TMEM126A: variants seen among roughly 807,000 people sequenced by gnomAD.
TMEM126A encodes the protein optic atrophy 7.
In TMEM126A, 10 loss-of-function variants were observed where a neutral mutation model predicts 18.3. The observed-to-expected ratio is 0.55, with a 90% confidence interval of 0.34 to 0.93. TMEM126A has a LOEUF of 0.93. TMEM126A is among the 40% of genes least tolerant of loss of function. The pLI is 0.02. For synonymous variants in TMEM126A, 68 were observed against 78.1 expected (o/e 0.87, Z 0.68); for missense variants, 246 against 230.2 (o/e 1.07, Z -0.44).
At chr11:85,650,659 CTTT>C (rs771649125) in intron 2 of TMEM126A, among the ~76,000 whole-genome samples, 34 of 151,986 alleles carry the variant, frequency 2.2e-4, no homozygotes, top group Non-Finnish European at 4.1e-4. Flanking sequence ...TTTAAAATGT[CTTT>C]TTTTTCCCAG....
chr11:85,650,369 C>A, intron 2 of TMEM126A, 28 bp downstream of exon 2: 1 of 1,464,320 alleles, frequency 6.8e-7, no homozygotes, highest in South Asian at 1.1e-5. Flanking sequence ...TTTAAAAACA[C>A]CTTTTATCAG....
Position 85,656,402 on chromosome 11 carries a change from T to C in TMEM126A, c.489T>C (p.Ile163=). The C allele has an allele frequency of 6.2e-7, 1 of 1,613,348 alleles. No homozygotes were observed. The highest frequency in any genetic ancestry group is 8.5e-7 in the Non-Finnish European group (1 of 1,179,628). ...KPVFRKMLFP[I]LLQTMFSAYL... is the part of the protein sequence containing the mutation. The stretch of plus-strand genomic sequence containing the variant: ...TCTTTAGAAAGATGTTATTTCCTAT[T>C]TTGCTCCAGACTATGTTTTCAGCAT... The change falls in exon 5 of 5, where the codon ATT becomes ATC. Residue 163 remains isoleucine, a synonymous_variant. Transcript: ENST00000304511.
At chr11:85,648,888 A>G (rs775622754) in intron 1 of TMEM126A, among the ~76,000 whole-genome samples, 13 of 152,120 alleles carry the variant, frequency 8.5e-5, no homozygotes, top group Non-Finnish European at 1.8e-4. Context: ...GAAATGAGAA[A>G]ATCTGGTTTC....
At chr11:85,650,420 G>A in intron 2 of TMEM126A, 79 bp downstream of exon 2, 1 of 1,078,554 alleles carries the variant, frequency 9.3e-7, no homozygotes, top group Non-Finnish European at 1.4e-6. Context: ...AGTTTATCTG[G>A]TTTGAGTATA....
intron 2 of TMEM126A, among the ~76,000 whole-genome samples, chr11:85,651,435 G>A (rs1565799406): frequency 6.6e-6 from 1 of 152,182 alleles, no homozygotes; most frequent in Admixed American, 6.5e-5. Flanking sequence ...CAGATTTGAG[G>A]TAGGAAAGAA....
At chr11:85,651,371 G>C (rs1045212065) in intron 2 of TMEM126A, among the ~76,000 whole-genome samples, 5 of 152,174 alleles carry the variant, frequency 3.3e-5, no homozygotes, top group Admixed American at 3.3e-4. Context: ...ATAGTTTTGA[G>C]CAGGGGGATG....
chr11:85,652,814 A>G (rs2082510772), intron 2 of TMEM126A, among the ~76,000 whole-genome samples: 1 of 151,292 alleles, frequency 6.6e-6, no homozygotes, highest in Non-Finnish European at 1.5e-5. Context: ...TATTTTATAT[A>G]TATTATATAT....
intron 2 of TMEM126A, among the ~76,000 whole-genome samples, chr11:85,651,858 A>T (rs2082502938): frequency 6.6e-6 from 1 of 152,194 alleles, no homozygotes; most frequent in Admixed American, 6.5e-5. Context: ...AGGGAAAGTG[A>T]GAAAGACTAA....
chr11:85,655,980 T>C (rs2082534801), intron 4 of TMEM126A, among the ~76,000 whole-genome samples: 1 of 152,184 alleles, frequency 6.6e-6, no homozygotes, highest in Non-Finnish European at 1.5e-5. Context: ...TGCATGAAAC[T>C]TCTATCATAT....
chr11:85,655,457 T>G, intron 3 of TMEM126A, 137 bp from the exon 4 acceptor site: 1 of 697,104 alleles, frequency 1.4e-6, no homozygotes, highest in South Asian at 1.6e-5. Flanking sequence ...ATTATACCTT[T>G]TAACAGGCTT....
intron 2 of TMEM126A, among the ~76,000 whole-genome samples, chr11:85,653,475 G>C (rs560651545): frequency 6.6e-6 from 1 of 152,246 alleles, no homozygotes; most frequent in South Asian, 2.1e-4. Context: ...ATCATGTTAG[G>C]TATTACTTTT....
chr11:85,648,342 G>C (rs553012159), intron 1 of TMEM126A, among the ~76,000 whole-genome samples: 130 of 152,278 alleles, frequency 8.5e-4, no homozygotes, highest in African/African-American at 3.0e-3. Context: ...AGGTGACCAC[G>C]GCCAAATTTG....
chr11:85,654,121 A>G lies in TMEM126A; in HGVS notation c.145A>G (p.Ile49Val). The change falls in exon 3 of 5, where the codon ATA becomes GTA. Residue 49 changes from isoleucine to valine, a missense_variant. Ile to Val is a conservative substitution (Grantham distance 29, BLOSUM62 3). Coordinates refer to ENST00000304511, the MANE Select transcript of TMEM126A (RefSeq NM_032273.4). ...VGLNAALCGL[I>V]ANSLFRRILN... Reference sequence around the variant, plus strand: ...ATTAAATGCTGCTCTTTGTGGCCTCATAGCAAACAGTCTTTTTCGACGCAT... The same window carrying G: ...ATTAAATGCTGCTCTTTGTGGCCTCGTAGCAAACAGTCTTTTTCGACGCAT... 6.2e-7 allele frequency: 1 copy of G among 1,614,196 alleles called. No individual in the cohort carries two copies. The highest frequency in any genetic ancestry group is 8.5e-7 in the Non-Finnish European group (1 of 1,180,012).
At chr11:85,653,015 T>C (rs1212663916) in intron 2 of TMEM126A, among the ~76,000 whole-genome samples, 4 of 152,176 alleles carry the variant, frequency 2.6e-5, no homozygotes, top group Non-Finnish European at 5.9e-5. Context: ...CTGTCATCAC[T>C]AATTATAATC....
intron 3 of TMEM126A, 33 bp from the exon 4 acceptor site, chr11:85,655,561 G>C (rs372983172): frequency 3.5e-5 from 51 of 1,474,668 alleles, no homozygotes; most frequent in Non-Finnish European, 4.7e-5. Context: ...TGACTATCAT[G>C]ACCTTCATTT....
At position 85,655,661 on chromosome 11, in the gene TMEM126A, A is replaced by C; in HGVS notation, c.348A>C (p.Leu116=). The C allele has an allele frequency of 6.2e-7, 1 of 1,613,732 alleles. No homozygotes were observed. ...TGACTGGTCTTGTTATTGGTGGTCT[A>C]TACCCTGTTTTCTTGGCTATACCTG... The part of the protein sequence containing the change: ...SGLTGLVIGG[L]YPVFLAIPVN... Residue 116 remains leucine, a synonymous_variant, in exon 4 of 5, where the codon CTA becomes CTC. Transcript: ENST00000304511.
Position 85,655,696 on chromosome 11 carries a change from G to T in TMEM126A, c.383G>T (p.Gly128Val). Residue 128 changes from glycine to valine, a missense_variant, in exon 4 of 5, where the codon GGT becomes GTT. By Grantham distance (109) the Gly-to-Val change is moderately radical. Coordinates refer to ENST00000304511, the MANE Select transcript of TMEM126A (RefSeq NM_032273.4). ...PVFLAIPVNG[G>V]LAARYQSALL... ...TTCTTGGCTATACCTGTAAATGGTG[G>T]TCTAGCAGCCAGGTAGGAAATAAAA... 6.2e-7 allele frequency: 1 copy of T among 1,612,666 alleles called. No individual in the cohort carries two copies. The highest frequency in any genetic ancestry group is 1.1e-5 in the South Asian group (1 of 91,046).
In TMEM126A at chr11:85,656,320, C is replaced by T. The variant is rs766204886; in HGVS notation, c.407C>T (p.Ala136Val). 6 of 1,611,104 alleles carry T rather than the reference C, an allele frequency of 3.7e-6. No homozygotes were observed. The East Asian group carries it at 1.1e-4, about 30-fold the overall frequency. Reference protein sequence around the residue: ...NGGLAARYQSALLPHKGNILS... With the variant: ...NGGLAARYQSVLLPHKGNILS... ...ATGTTTTCTTACAGGTATCAATCAG[C>T]TCTGTTACCACACAAAGGGAACATC... is the stretch of plus-strand genomic sequence containing the variant. The change falls in exon 5 of 5, where the codon GCT (alanine) becomes GTT (valine). Residue 136 changes from alanine (A) to valine (V), a missense_variant. Physicochemically the swap from Ala to Val is moderately conservative, Grantham distance 64. Transcript: ENST00000304511.
chr11:85,648,830 T>C (rs2082479880), intron 1 of TMEM126A, among the ~76,000 whole-genome samples: 1 of 152,022 alleles, frequency 6.6e-6, no homozygotes, highest in South Asian at 2.1e-4. Context: ...CTTATCGATA[T>C]AAAACAGGTA....
Sources: allele counts gnomAD v4.1 joint callset (sites outside exome capture counted in the v4.1 genomes callset), GRCh38; gene constraint gnomAD v4.1.1; transcripts MANE v1.5; gene names NCBI Gene and HGNC (gene_info 2026-07-23, HGNC 2026-07-21).